R3HDM1: variants seen among roughly 807,000 people sequenced by gnomAD.
R3HDM1 encodes the protein R3H domain containing 1.
R3HDM1 carries 46 observed loss-of-function variants against 141.1 expected under a neutral mutation model. The ratio of observed to expected loss-of-function variants is 0.33; its 90% CI spans 0.26 to 0.42. The LOEUF (loss-of-function observed/expected upper bound fraction) is 0.42, where lower values mean the gene tolerates loss of function less well. Among genes scored for constraint, R3HDM1 ranks in the 10% least tolerant of loss-of-function variants. The pLI is 1.00. For synonymous variants in R3HDM1, 435 were observed against 472.9 expected (o/e 0.92, Z 1.04); for missense variants, 1,184 against 1,368.3 (o/e 0.87, Z 2.12).
chr2:135,703,160 CTT>C (rs1449429124), intron 21 of R3HDM1, among the ~76,000 whole-genome samples: 2 of 152,150 alleles, frequency 1.3e-5, no homozygotes, highest in South Asian at 2.1e-4. Context: ...AATGTAGACT[CTT>C]TTTTAGGTTT....
Position 135,641,221 on chromosome 2 carries a change from A to G in R3HDM1, c.1220-315A>G, listed in dbSNP as rs113170143. 1.3e-3 allele frequency among the ~76,000 whole-genome samples: 205 copies of G among 152,264 alleles called. 2 individuals are homozygous for G. The highest frequency in any genetic ancestry group is 4.3e-3 in the African/African-American group (179 of 41,544). ...TTCCTAGGTGTTAATCTAAAAGGTA[A>G]AATGTACATAACTTTGTCCTTTTGG... On this transcript the variant is annotated intron_variant, in intron 14 of 26. Transcript: ENST00000683871.
intron 1 of R3HDM1, among the ~76,000 whole-genome samples, chr2:135,575,264 C>A (rs1006595060): frequency 6.6e-6 from 1 of 152,204 alleles, no homozygotes; most frequent in African/African-American, 2.4e-5. Flanking sequence ...CTCACTGCAA[C>A]CTTGACCTCC....
intron 15 of R3HDM1, among the ~76,000 whole-genome samples, chr2:135,644,377 C>T (rs1220958051): frequency 3.3e-5 from 5 of 151,948 alleles, no homozygotes; most frequent in Admixed American, 2.6e-4. Context: ...GTGGCAGGTG[C>T]CTATAATCCC....
At chr2:135,641,411 A>G (rs1396709618) in intron 14 of R3HDM1, 125 bp from the exon 15 acceptor site, 2 of 1,141,214 alleles carry the variant, frequency 1.8e-6, no homozygotes, top group Non-Finnish European at 2.4e-6. Flanking sequence ...CAGTAAATTA[A>G]AAAGAGCCAA....
intron 3 of R3HDM1, among the ~76,000 whole-genome samples, chr2:135,611,326 A>C (rs2060529514): frequency 6.6e-6 from 1 of 152,010 alleles, no homozygotes; most frequent in African/African-American, 2.4e-5. Context: ...ATCTGAGCCC[A>C]GGAGGTCAAG....
chr2:135,665,516 CTTTT>C, intron 19 of R3HDM1: 1 of 522,938 alleles, frequency 1.9e-6, no homozygotes. Context: ...TGCTTTTTTG[CTTTT>C]TTTAATGCTG....
intron 26 of R3HDM1, among the ~76,000 whole-genome samples, chr2:135,723,172 A>C (rs1034396037): frequency 4.0e-5 from 6 of 151,766 alleles, no homozygotes; most frequent in Non-Finnish European, 8.8e-5. Flanking sequence ...CCCATGCTGG[A>C]GTGCAGTGGT....
intron 21 of R3HDM1, among the ~76,000 whole-genome samples, chr2:135,708,112 A>T (rs1399395732): frequency 6.6e-6 from 1 of 152,216 alleles, no homozygotes; most frequent in East Asian, 1.9e-4. Flanking sequence ...TTCTCCCTCC[A>T]ATATTAGTTT....
chr2:135,561,724 CAAAA>C (rs11293062), intron 1 of R3HDM1, among the ~76,000 whole-genome samples: 1 of 141,534 alleles, frequency 7.1e-6, no homozygotes, highest in Admixed American at 7.1e-5. Flanking sequence ...GTCTCAAAAA[CAAAA>C]AAAAAACCAA....
intron 1 of R3HDM1, chr2:135,576,898 T>A: frequency 5.0e-6 from 1 of 199,386 alleles, no homozygotes; most frequent in Non-Finnish European, 9.0e-6. Context: ...AGTTTCTTGT[T>A]GGAATAATGA....
rs540735268 is a variant in R3HDM1 at position 135,625,204 on chromosome 2, C to T, written c.497+2472C>T. On this transcript the variant is annotated intron_variant, in intron 7 of 26. Transcript: ENST00000683871. ...ATGATTCATGCCGGTAATCCCAGTA[C>T]TTTAGCAGGCTGAGGACAGTGGATC... 2.2e-4 allele frequency among the ~76,000 whole-genome samples: 33 copies of T among 152,306 alleles called. No individual in the cohort carries two copies. In the South Asian group the frequency reaches 5.8e-3, roughly 27 times the overall value.
chr2:135,577,510 A>T (rs1357540883), intron 1 of R3HDM1, among the ~76,000 whole-genome samples: 1 of 151,766 alleles, frequency 6.6e-6, no homozygotes, highest in Non-Finnish European at 1.5e-5. Context: ...ACAACTCACA[A>T]ACAATGAAAA....
At chr2:135,603,929 T>C (rs887637025) in intron 2 of R3HDM1, among the ~76,000 whole-genome samples, 7 of 152,172 alleles carry the variant, frequency 4.6e-5, no homozygotes, top group Non-Finnish European at 8.8e-5. Context: ...TTTTATTACA[T>C]TTTTTGCAGC....
chr2:135,553,145 C>T (rs74634659), intron 1 of R3HDM1, among the ~76,000 whole-genome samples: 6,761 of 152,250 alleles, frequency 0.044, 508 homozygotes, highest in African/African-American at 0.16. Flanking sequence ...ACTGGGATTA[C>T]AGGCATGAGG....
chr2:135,607,743 G>A (rs2060198769), intron 3 of R3HDM1: 1 of 628,030 alleles, frequency 1.6e-6, no homozygotes, highest in Non-Finnish European at 2.0e-6. Flanking sequence ...GCCCTTGGCA[G>A]TAAGCCACAA....
intron 25 of R3HDM1, among the ~76,000 whole-genome samples, 196 bp downstream of exon 25, chr2:135,722,202 C>A (rs964569143): frequency 1.3e-5 from 2 of 152,166 alleles, no homozygotes; most frequent in East Asian, 3.9e-4. Context: ...CTTGGCAGAG[C>A]AGTAATTCTC....
intron 1 of R3HDM1, among the ~76,000 whole-genome samples, chr2:135,551,773 T>C (rs1481982071): frequency 6.6e-6 from 1 of 152,228 alleles, no homozygotes; most frequent in African/African-American, 2.4e-5. Context: ...TCTAGTTCTA[T>C]AGCTTTTTAA....
intron 1 of R3HDM1, among the ~76,000 whole-genome samples, chr2:135,536,162 C>T (rs1696055229): frequency 6.6e-6 from 1 of 151,928 alleles, no homozygotes; most frequent in Non-Finnish European, 1.5e-5. Context: ...TTTTAAGAGA[C>T]AGGGATTCAC....
intron 19 of R3HDM1, among the ~76,000 whole-genome samples, chr2:135,663,302 A>G (rs2067000388): frequency 6.6e-6 from 1 of 152,224 alleles, no homozygotes; most frequent in African/African-American, 2.4e-5. Flanking sequence ...GAAACAATAA[A>G]TCAGGTTGCA....
Sources: gnomAD v4.1 joint callset for allele counts (sites outside exome capture counted in the v4.1 genomes callset) on GRCh38, gnomAD v4.1.1 for gene constraint, MANE v1.5 for transcripts, NCBI Gene and HGNC (gene_info 2026-07-23, HGNC 2026-07-21) for gene names.